Variants in CYB5A observed in about 807,000 individuals in gnomAD.
The protein encoded by CYB5A is cytochrome b5 type A.
In CYB5A, 10 loss-of-function variants were observed where a neutral mutation model predicts 16.2. That is an observed-to-expected ratio of 0.62 (90% CI 0.38 to 1.04). The LOEUF (loss-of-function observed/expected upper bound fraction) is 1.04, where lower values mean the gene tolerates loss of function less well. CYB5A is among the 50% of genes least tolerant of loss of function. CYB5A has a pLI of 0.01. For missense variants in CYB5A, 161 were observed against 165.9 expected (o/e 0.97, Z 0.16); for synonymous variants, 62 against 57.0 (o/e 1.09, Z -0.40).
At chr18:74,255,661 A>G (rs1011602341) in intron 4 of CYB5A, 80 bp downstream of exon 4, 2 of 1,172,014 alleles carry the variant, frequency 1.7e-6, no homozygotes, top group African/African-American at 1.5e-5. Context: ...GGAACCCAGA[A>G]GGTGGGGGAC....
At chr18:74,284,002 G>A (rs1336585807) in intron 1 of CYB5A, among the ~76,000 whole-genome samples, 1 of 152,172 alleles carries the variant, frequency 6.6e-6, no homozygotes, top group Middle Eastern at 3.2e-3. Context: ...GGAGGCCGAG[G>A]CGAGTGGATC....
intron 1 of CYB5A, among the ~76,000 whole-genome samples, chr18:74,279,543 T>TAATAAATAAA (rs1419531136): frequency 2.0e-5 from 3 of 150,078 alleles, no homozygotes; most frequent in Non-Finnish European, 4.4e-5. Context: ...AATAAATAAA[T>TAATAAATAAA]AATAAATAAA....
chr18:74,263,124 G>A (rs1194169203), intron 2 of CYB5A, among the ~76,000 whole-genome samples: 1 of 150,050 alleles, frequency 6.7e-6, no homozygotes, highest in African/African-American at 2.5e-5. Context: ...CTCCAGCCTG[G>A]GTGACAGAGT....
intron 1 of CYB5A, among the ~76,000 whole-genome samples, chr18:74,283,968 C>G (rs1013435959): frequency 3.3e-5 from 5 of 152,170 alleles, no homozygotes; most frequent in Non-Finnish European, 5.9e-5. Context: ...CGCAGTGGCT[C>G]ACACCTGTAA....
intron 1 of CYB5A, among the ~76,000 whole-genome samples, chr18:74,283,396 G>A (rs943123893): frequency 6.6e-6 from 1 of 152,102 alleles, no homozygotes; most frequent in Non-Finnish European, 1.5e-5. Flanking sequence ...TGCCAGGTGA[G>A]AGCAGCATCT....
intron 3 of CYB5A, chr18:74,259,826 GC>G (rs1285385108): frequency 6.6e-6 from 1 of 152,178 alleles, no homozygotes; most frequent in African/African-American, 2.4e-5. Flanking sequence ...TGAACTCACA[GC>G]AAGGATTCTA....
At chr18:74,279,593 C>T (rs1355547321) in intron 1 of CYB5A, among the ~76,000 whole-genome samples, 1 of 152,066 alleles carries the variant, frequency 6.6e-6, no homozygotes, top group South Asian at 2.1e-4. Context: ...ATAGCCTACG[C>T]TCAGCCCAGA....
At chr18:74,277,928 G>A (rs944475096) in intron 1 of CYB5A, among the ~76,000 whole-genome samples, 2 of 152,194 alleles carry the variant, frequency 1.3e-5, no homozygotes, top group African/African-American at 4.8e-5. Flanking sequence ...AGTTTCTGCC[G>A]AAGATCTCTG....
At chr18:74,268,924 T>C (rs1982557787) in intron 1 of CYB5A, among the ~76,000 whole-genome samples, 1 of 152,188 alleles carries the variant, frequency 6.6e-6, no homozygotes, top group Non-Finnish European at 1.5e-5. Flanking sequence ...GTTACCCAAA[T>C]ATACCTTGTT....
At chr18:74,267,619 AG>A in intron 1 of CYB5A, among the ~76,000 whole-genome samples, 1 of 152,206 alleles carries the variant, frequency 6.6e-6, no homozygotes, top group East Asian at 1.9e-4. Flanking sequence ...GGTGGCCTGA[AG>A]AAAAGGCAAG....
intron 4 of CYB5A, among the ~76,000 whole-genome samples, chr18:74,255,105 A>C (rs1055024205): frequency 3.9e-5 from 6 of 152,230 alleles, no homozygotes; most frequent in Admixed American, 3.9e-4. Flanking sequence ...GCCTGCAGGC[A>C]GGGAATATTC....
chr18:74,290,722 C>G (rs1398120346), intron 1 of CYB5A, among the ~76,000 whole-genome samples: 1 of 152,164 alleles, frequency 6.6e-6, no homozygotes, highest in African/African-American at 2.4e-5. Flanking sequence ...CGTGAGCATG[C>G]GTTAAGATTT....
intron 2 of CYB5A, chr18:74,261,811 A>T (rs1159576138): frequency 6.6e-6 from 1 of 152,196 alleles, no homozygotes; most frequent in African/African-American, 2.4e-5. Flanking sequence ...TATATTCTTT[A>T]AGAGTTTCTC....
intron 1 of CYB5A, 78 bp from the exon 2 acceptor site, chr18:74,263,555 C>T: frequency 1.5e-6 from 2 of 1,303,480 alleles, no homozygotes; most frequent in Non-Finnish European, 2.2e-6. Flanking sequence ...ATTTATTTAA[C>T]CAAACAGGTG....
chr18:74,271,647 CGT>C (rs140764495), intron 1 of CYB5A, among the ~76,000 whole-genome samples: 18,986 of 149,664 alleles, frequency 0.13, 1,251 homozygotes, highest in Admixed American at 0.19. Flanking sequence ...ATGTACTTAT[CGT>C]GTGTGTGTGT....
At chr18:74,281,743 C>CTCTGTGTGTGTGTGTG (rs1555690491) in intron 1 of CYB5A, among the ~76,000 whole-genome samples, 26 of 138,846 alleles carry the variant, frequency 1.9e-4, no homozygotes, top group Middle Eastern at 3.6e-3. Flanking sequence ...TCAAGGGAGG[C>CTCTGTGTGTGTGTGTG]TGTGTGTGTG....
rs1981834135 is a variant in CYB5A at position 74,253,315 on chromosome 18, AT to A, written c.*268del. On this transcript the variant is annotated 3_prime_UTR_variant, in exon 5 of 5. Transcript: ENST00000340533. ...GGTGCATACTTTAAAAGCCAAATAT[AT>A]TTTTAAAAGATCATGCTTATAATAA... 2.6e-6 allele frequency: 1 copy of A among 379,148 alleles called. No homozygotes were observed. 23.5% of individuals were successfully genotyped at this position (379,148 alleles called of 1,614,324 possible).
chr18:74,278,478 C>T (rs1392043174), intron 1 of CYB5A, among the ~76,000 whole-genome samples: 1 of 152,182 alleles, frequency 6.6e-6, no homozygotes, highest in Non-Finnish European at 1.5e-5. Context: ...CAGTTCCTGG[C>T]CTTTGTAAAT....
chr18:74,284,034 A>T (rs563167862), intron 1 of CYB5A, among the ~76,000 whole-genome samples: 1 of 152,232 alleles, frequency 6.6e-6, no homozygotes, highest in East Asian at 1.9e-4. Context: ...GGGGTTTGAG[A>T]CCAACCTGAC....
Sources: allele counts gnomAD v4.1 joint callset (sites outside exome capture counted in the v4.1 genomes callset), GRCh38; gene constraint gnomAD v4.1.1; transcripts MANE v1.5; gene names NCBI Gene and HGNC (gene_info 2026-07-23, HGNC 2026-07-21).